LAMA2: variants seen among roughly 807,000 people sequenced by gnomAD.
LAMA2 encodes the protein laminin subunit alpha-2.
LAMA2 carries 269 observed loss-of-function variants against 364.8 expected under a neutral mutation model. That is an observed-to-expected ratio of 0.74 (90% CI 0.67 to 0.82). LAMA2 has a LOEUF of 0.82. Among genes scored for constraint, LAMA2 ranks in the 40% least tolerant of loss-of-function variants. The pLI is 0.00. For synonymous variants in LAMA2, 1,379 were observed against 1,370.6 expected (o/e 1.01, Z -0.14); for missense variants, 3,807 against 3,873.2 (o/e 0.98, Z 0.45).
intron 12 of LAMA2, among the ~76,000 whole-genome samples, chr6:129,245,566 A>T (rs1447522558): frequency 6.6e-6 from 1 of 152,184 alleles, no homozygotes; most frequent in African/African-American, 2.4e-5. Flanking sequence ...GGAAAATTAC[A>T]GTTATTTGCA....
intron 3 of LAMA2, among the ~76,000 whole-genome samples, chr6:129,089,621 G>C (rs902652766): frequency 2.0e-5 from 3 of 152,196 alleles, no homozygotes; most frequent in Non-Finnish European, 4.4e-5. Flanking sequence ...ACAGGAGGCA[G>C]GTCAATCTTT....
intron 1 of LAMA2, among the ~76,000 whole-genome samples, chr6:128,966,343 A>G (rs1325450750): frequency 6.6e-6 from 1 of 152,076 alleles, no homozygotes; most frequent in African/African-American, 2.4e-5. Flanking sequence ...AAGATCCTTA[A>G]AGATCTGAGG....
intron 12 of LAMA2, among the ~76,000 whole-genome samples, chr6:129,200,476 G>GTA (rs562034578): frequency 2.7e-5 from 4 of 148,574 alleles, no homozygotes; most frequent in Non-Finnish European, 4.5e-5. Flanking sequence ...ACATATACAT[G>GTA]TATATATATG....
intron 53 of LAMA2, 102 bp downstream of exon 53, chr6:129,475,503 G>T: frequency 1.3e-6 from 1 of 797,556 alleles, no homozygotes; most frequent in Non-Finnish European, 2.1e-6. Flanking sequence ...CACCAGTACA[G>T]CTTTGTTCAT....
chr6:129,150,134 C>G (rs1320529410), intron 7 of LAMA2, among the ~76,000 whole-genome samples: 1 of 152,116 alleles, frequency 6.6e-6, no homozygotes, highest in South Asian at 2.1e-4. Flanking sequence ...TTAGAAATCT[C>G]CCATTATTAC....
rs1486453748 is a variant in LAMA2 at position 129,157,759 on chromosome 6, A to G, written c.1206+3076A>G. 6.7e-5 allele frequency: 108 copies of G among 1,612,542 alleles called. 1 individual carries two copies. In the South Asian group the frequency reaches 1.0e-3, roughly 15 times the overall value. On this transcript the variant is annotated intron_variant, in intron 8 of 64. Transcript: ENST00000421865. ...CTCGGTACCATGTTATAATATGGCAATTGGTAGTCTTCCACGATCCCTCCT... is the reference window on the plus strand; with the variant it reads ...CTCGGTACCATGTTATAATATGGCAGTTGGTAGTCTTCCACGATCCCTCCT...
chr6:129,255,773 T>C (rs146165674), intron 14 of LAMA2, among the ~76,000 whole-genome samples: 72 of 152,206 alleles, frequency 4.7e-4, no homozygotes, highest in African/African-American at 1.6e-3. Context: ...ATCATAGAAA[T>C]AGTATTGATA....
chr6:128,892,614 GT>G (rs144771361), intron 1 of LAMA2, among the ~76,000 whole-genome samples: 3,062 of 152,058 alleles, frequency 0.02, 42 homozygotes, highest in Non-Finnish European at 0.028. Context: ...AATGTGGCGT[GT>G]TTGACACACA....
At chr6:129,500,131 G>A (rs1785514832) in intron 58 of LAMA2, among the ~76,000 whole-genome samples, 2 of 152,060 alleles carry the variant, frequency 1.3e-5, no homozygotes, top group Admixed American at 1.3e-4. Context: ...CCAAGCAAGG[G>A]GGAGGTCGAG....
rs780754955 is a variant in LAMA2 at position 129,267,189 on chromosome 6, G to T, written c.2292G>T (p.Glu764Asp). ...CEPCQCFGHA[E>D]SCDDVTGECL... The stretch of plus-strand genomic sequence containing the variant: ...CATGTCAGTGCTTTGGTCATGCGGA[G>T]TCCTGTGATGACGTCACTGGAGAAT... The change falls in exon 16 of 65, where the codon GAG becomes GAT. Residue 764 changes from glutamate to aspartate, a missense_variant. Around this residue, in one of 3 missense-constraint regions of LAMA2, gnomAD observed 3,333 missense variants for 3,345.7 expected, o/e 1.00. Transcript: ENST00000421865. 6.2e-7 allele frequency: 1 copy of T among 1,612,860 alleles called. No individual in the cohort carries two copies. The highest frequency in any genetic ancestry group is 1.3e-5 in the African/African-American group (1 of 74,974).
At chr6:129,263,202 C>T (rs1320333544) in intron 15 of LAMA2, among the ~76,000 whole-genome samples, 2 of 152,078 alleles carry the variant, frequency 1.3e-5, no homozygotes, top group South Asian at 2.1e-4. Context: ...TTGAGACAAA[C>T]AAGACCCTAC....
intron 5 of LAMA2, among the ~76,000 whole-genome samples, chr6:129,144,362 T>G (rs1250581014): frequency 6.6e-6 from 1 of 151,994 alleles, no homozygotes; most frequent in Non-Finnish European, 1.5e-5. Flanking sequence ...TCACAATGTC[T>G]ACTTAATAAT....
chr6:129,028,671 T>C (rs1367012571), intron 1 of LAMA2, among the ~76,000 whole-genome samples: 1 of 151,884 alleles, frequency 6.6e-6, no homozygotes, highest in South Asian at 2.1e-4. Flanking sequence ...AGTGAATGAA[T>C]CTATATACTG....
intron 6 of LAMA2, among the ~76,000 whole-genome samples, chr6:129,148,663 AC>A (rs1436198599): frequency 3.3e-5 from 5 of 152,030 alleles, no homozygotes; most frequent in African/African-American, 1.2e-4. Flanking sequence ...AAGCTAATCG[AC>A]CCCCAAAAAA....
chr6:129,310,780 C>T (rs1774167115), intron 22 of LAMA2, among the ~76,000 whole-genome samples: 2 of 152,148 alleles, frequency 1.3e-5, no homozygotes, highest in Non-Finnish European at 1.5e-5. Flanking sequence ...AGAGGGCATG[C>T]TCCTTCTCCC....
intron 37 of LAMA2, among the ~76,000 whole-genome samples, chr6:129,395,666 C>G (rs1321658557): frequency 6.6e-6 from 1 of 152,156 alleles, no homozygotes; most frequent in Non-Finnish European, 1.5e-5. Flanking sequence ...ATAAGCAAAC[C>G]ACTCCATACG....
chr6:129,066,551 C>T (rs1398544508), intron 3 of LAMA2, among the ~76,000 whole-genome samples: 1 of 152,132 alleles, frequency 6.6e-6, no homozygotes, highest in Admixed American at 6.5e-5. Flanking sequence ...TGTCAAAATT[C>T]CAATGACGTT....
chr6:128,909,661 G>T (rs2114449067), intron 1 of LAMA2, among the ~76,000 whole-genome samples: 1 of 149,644 alleles, frequency 6.7e-6, no homozygotes, highest in East Asian at 2.0e-4. Context: ...TGTTATGTGT[G>T]AATTTGATCC....
rs114748965 is a variant in LAMA2, at chr6:129,371,992, A to G, written c.4959+2002A>G. On this transcript the variant is annotated intron_variant, in intron 34 of 64. Coordinates refer to ENST00000421865, the MANE Select transcript of LAMA2 (RefSeq NM_000426.4). ...CCTTTCCAGCAGATTGTCTCATGCT[A>G]TGTTTTTTAAACAGACTTTATTTTT... is the stretch of plus-strand genomic sequence containing the variant. Among the ~76,000 whole-genome samples the G allele has an allele frequency of 8.6e-3, 1,306 of 152,302 alleles. 32 individuals carry two copies. The highest frequency in any genetic ancestry group is 0.03 in the African/African-American group (1,255 of 41,550).
Sources: gnomAD v4.1 joint callset for allele counts (sites outside exome capture counted in the v4.1 genomes callset) on GRCh38, gnomAD v4.1.1 for gene constraint, gnomAD v4.1.1 regional missense constraint, MANE v1.5 for transcripts, NCBI Gene and HGNC (gene_info 2026-07-23, HGNC 2026-07-21) for gene names.